The following CCM2L variants were observed in gnomAD, a reference collection of about 807,000 sequenced individuals.
The protein encoded by CCM2L is cerebral cavernous malformations 2 protein-like.
Under a neutral mutation model 54.1 loss-of-function variants are expected in CCM2L, and 36 were observed. The observed-to-expected ratio is 0.67, with a 90% CI of 0.51 to 0.88. CCM2L has a LOEUF of 0.88. CCM2L is among the 40% of genes least tolerant of loss of function. The pLI is 0.00. For synonymous variants in CCM2L, 351 were observed against 359.3 expected (o/e 0.98, Z 0.26); for missense variants, 700 against 812.1 (o/e 0.86, Z 1.68).
intron 7 of CCM2L, among the ~76,000 whole-genome samples, chr20:32,027,319 G>A (rs1338849492): frequency 6.6e-6 from 1 of 152,172 alleles, no homozygotes; most frequent in Non-Finnish European, 1.5e-5. Flanking sequence ...TATGCCCTTA[G>A]GCTAGTCTTT....
chr20:32,015,897 C>T (rs140268842), intron 2 of CCM2L, among the ~76,000 whole-genome samples: 1,686 of 138,914 alleles, frequency 0.012, 31 homozygotes, highest in African/African-American at 0.045. Flanking sequence ...CATTCTGTCT[C>T]CCAGGCTGGA....
At chr20:32,030,952 A>G in intron 9 of CCM2L, 49 bp from the exon 10 acceptor site, 1 of 1,288,680 alleles carries the variant, frequency 7.8e-7, no homozygotes, top group Non-Finnish European at 1.0e-6. Context: ...CCCCTGTGGA[A>G]GGGAAAGGGA....
chr20:32,013,414 CGTGT>C (rs1394868884), intron 1 of CCM2L, among the ~76,000 whole-genome samples: 1 of 151,948 alleles, frequency 6.6e-6, no homozygotes, highest in Non-Finnish European at 1.5e-5. Context: ...CCCCGTAGTT[CGTGT>C]GTGTGTGGAG....
intron 7 of CCM2L, chr20:32,027,744 G>T (rs1275801662): frequency 1.3e-5 from 2 of 152,114 alleles, no homozygotes; most frequent in African/African-American, 4.8e-5. Flanking sequence ...AGACAAGGAG[G>T]CAGGAGCCTA....
intron 2 of CCM2L, among the ~76,000 whole-genome samples, chr20:32,015,859 CTTT>C (rs199989562): frequency 7.0e-5 from 9 of 127,864 alleles, no homozygotes; most frequent in South Asian, 2.4e-4. Context: ...AGCTGTACTT[CTTT>C]TTTTTTTTTT....
chr20:32,020,527 G>C (rs1036221934), intron 5 of CCM2L, among the ~76,000 whole-genome samples: 4 of 152,078 alleles, frequency 2.6e-5, no homozygotes, highest in African/African-American at 7.2e-5. Flanking sequence ...CCAAAACTGA[G>C]CTCCAACCTC....
chr20:32,015,662 T>G (rs2064735214), intron 2 of CCM2L, among the ~76,000 whole-genome samples: 1 of 152,242 alleles, frequency 6.6e-6, no homozygotes, highest in Non-Finnish European at 1.5e-5. Flanking sequence ...GTCTTTTTGA[T>G]AGTTCTTGTT....
At chr20:32,028,956 G>C in intron 7 of CCM2L, 39 bp from the exon 8 acceptor site, 1 of 1,612,036 alleles carries the variant, frequency 6.2e-7, no homozygotes, top group South Asian at 1.1e-5. Flanking sequence ...CCAGGAGCTG[G>C]AGGGAGGCGA....
chr20:32,019,875 A>C (rs912354584), intron 5 of CCM2L, among the ~76,000 whole-genome samples: 2 of 152,234 alleles, frequency 1.3e-5, no homozygotes, highest in African/African-American at 4.8e-5. Context: ...AAGGTCACAC[A>C]GGAAGCACGT....
intron 4 of CCM2L, among the ~76,000 whole-genome samples, chr20:32,018,547 G>C (rs1181898817): frequency 6.6e-6 from 1 of 152,076 alleles, no homozygotes; most frequent in Admixed American, 6.5e-5. Context: ...CTGATTCCAG[G>C]GGCGGGGCTG....
chr20:32,010,992 C>G (rs988734654), intron 1 of CCM2L, among the ~76,000 whole-genome samples: 12 of 152,222 alleles, frequency 7.9e-5, no homozygotes, highest in African/African-American at 2.9e-4. Flanking sequence ...GAAGCCATTC[C>G]CCTCACCCCT....
In CCM2L at chr20:32,018,964, C is replaced by T. The variant is rs1568916150; in HGVS notation, c.488C>T (p.Pro163Leu). Residue 163 changes from proline (P) to leucine (L), a missense_variant, in exon 5 of 10, where the codon CCG (proline) becomes CTG (leucine). Physicochemically the swap from Pro to Leu is moderately conservative, Grantham distance 98 (BLOSUM62 -3). Coordinates refer to ENST00000452892, the MANE Select transcript of CCM2L (RefSeq NM_001365692.1). ...LKTGLGVDPV[P>L]AGVDASPGGA... ...CTAGGTCTGGGTGTGGACCCGGTGCCGGCCGGCGTGGATGCCAGCCCAGGC... is the reference window on the plus strand; with the variant it reads ...CTAGGTCTGGGTGTGGACCCGGTGCTGGCCGGCGTGGATGCCAGCCCAGGC... The T allele has an allele frequency of 2.5e-5, 35 of 1,400,956 alleles. No individual in the cohort carries two copies. The highest frequency in any genetic ancestry group is 3.1e-5 in the Non-Finnish European group (34 of 1,081,824). 86.8% of individuals were successfully genotyped at this position (1,400,956 alleles called of 1,614,324 possible). A position where few individuals can be genotyped will look rare whatever the true frequency, so the allele number is the denominator to read the frequency against.
At chr20:32,010,560 T>TGGGGGCCAAAGGGGGGGGGGGG in intron 1 of CCM2L, 76 bp downstream of exon 1, 1 of 105,744 alleles carries the variant, frequency 9.5e-6, no homozygotes, top group African/African-American at 8.8e-5. Flanking sequence ...TGGGGCGGGG[T>TGGGGGCCAAAGGGGGGGGGGGG]GGGGGGTCGG....
In CCM2L at chr20:32,018,925, T is replaced by TC; in HGVS notation, c.467-13dup. Reference sequence around the variant, plus strand: ...GAGTCCCGATCCCCGCGGCTGACGGTCCCCCGGACTCTCCTAGGTCTGGGT... The same window carrying TC: ...GAGTCCCGATCCCCGCGGCTGACGGTCCCCCCGGACTCTCCTAGGTCTGGGT... On this transcript the variant is annotated splice_polypyrimidine_tract_variant and intron_variant, in intron 4 of 9. Transcript: ENST00000452892. 7.7e-7 allele frequency: 1 copy of TC among 1,300,388 alleles called. No homozygotes were observed. The highest frequency in any genetic ancestry group is 2.1e-5 in the South Asian group (1 of 46,716). 80.6% of individuals were successfully genotyped at this position (1,300,388 alleles called of 1,614,324 possible).
Position 32,019,013 on chromosome 20 carries a change from G to C in CCM2L, c.537G>C (p.Pro179=). 1.5e-6 allele frequency: 2 copies of C among 1,333,964 alleles called. No homozygotes were observed. The highest frequency in any genetic ancestry group is 1.9e-6 in the Non-Finnish European group (2 of 1,050,866). 82.6% of individuals were successfully genotyped at this position (1,333,964 alleles called of 1,614,324 possible). The change falls in exon 5 of 10, where the codon CCG becomes CCC. Residue 179 remains proline, a synonymous_variant. Transcript: ENST00000452892. ...GCGGCGCAGGACGCGACCCCGGCCC[G>C]CCAGGCGGGGCGCCCGAGAAGCGGC... ...SPGGAGRDPG[P]PGGAPEKRRV...
At chr20:32,024,555 A>G (rs1329235518) in intron 6 of CCM2L, among the ~76,000 whole-genome samples, 1 of 152,164 alleles carries the variant, frequency 6.6e-6, no homozygotes, top group Non-Finnish European at 1.5e-5. Flanking sequence ...GGTTGGGCAC[A>G]GTGGCTCACA....
chr20:32,026,056 G>A, intron 7 of CCM2L, 137 bp downstream of exon 7: 1 of 548,412 alleles, frequency 1.8e-6, no homozygotes, highest in Non-Finnish European at 3.0e-6. Context: ...GAGGTAAACT[G>A]AGCTCCCTGA....
chr20:32,018,961 T>TGCCG lies in CCM2L; in HGVS notation c.492_495dup (p.Val166ArgfsTer102). On this transcript the variant is annotated frameshift_variant, in exon 5 of 10. Coordinates refer to ENST00000452892, the MANE Select transcript of CCM2L (RefSeq NM_001365692.1). LOFTEE classifies it high-confidence loss of function. ...CTCCTAGGTCTGGGTGTGGACCCGGTGCCGGCCGGCGTGGATGCCAGCCCA... is the reference window on the plus strand; with the variant it reads ...CTCCTAGGTCTGGGTGTGGACCCGGTGCCGGCCGGCCGGCGTGGATGCCAGCCCA... 1.4e-6 allele frequency: 2 copies of TGCCG among 1,401,784 alleles called. No individual in the cohort carries two copies. Among genetic ancestry groups the TGCCG allele is most frequent in the Non-Finnish European group, 1.8e-6 (2 of 1,082,174 alleles). 86.8% of individuals were successfully genotyped at this position (1,401,784 alleles called of 1,614,324 possible). A position where few individuals can be genotyped will look rare whatever the true frequency, so the allele number is the denominator to read the frequency against.
chr20:32,031,251 C>T lies in CCM2L; in HGVS notation c.1653C>T (p.Asp551=), dbSNP rs2064923261. The T allele has an allele frequency of 4.6e-6, 6 of 1,298,162 alleles. No individual in the cohort carries two copies. Among genetic ancestry groups the T allele is most frequent in the Non-Finnish European group, 6.1e-6 (6 of 988,496 alleles). 80.4% of individuals were successfully genotyped at this position (1,298,162 alleles called of 1,614,324 possible). A position where few individuals can be genotyped will look rare whatever the true frequency, so the allele number is the denominator to read the frequency against. The change falls in exon 10 of 10, where the codon GAC becomes GAT. Residue 551 remains aspartate, a synonymous_variant. Transcript: ENST00000452892. ...CGCTGGCCCCCGATGACGACGACGA[C>T]GACGAGGATGAGCCCCGGGGCTCCA... ...IEALAPDDDD[D]DEDEPRGSRG... is the part of the protein sequence containing the mutation.
Sources: allele counts gnomAD v4.1 joint callset (sites outside exome capture counted in the v4.1 genomes callset), GRCh38; gene constraint gnomAD v4.1.1; transcripts MANE v1.5; gene names NCBI Gene and HGNC (gene_info 2026-07-23, HGNC 2026-07-21).